The following MAF variants were observed in gnomAD, a reference collection of about 807,000 sequenced individuals.
The protein encoded by MAF is transcription factor Maf.
A neutral mutation model predicts 22.0 loss-of-function variants in MAF; 10 were observed. That is an observed-to-expected ratio of 0.45 (90% confidence interval 0.28 to 0.77). The LOEUF is 0.77. MAF is among the 30% of genes least tolerant of loss of function. The pLI, the probability that MAF is intolerant of heterozygous loss-of-function variation, is 0.12. For synonymous variants in MAF, 337 were observed against 255.8 expected, an observed-to-expected ratio of 1.32 and a Z score of -3.03; for missense variants, 544 against 548.4, an observed-to-expected ratio of 0.99 and a Z score of 0.08.
the MAF span, among the ~76,000 whole-genome samples, chr16:79,339,640 T>C: frequency 4.6e-5 from 7 of 152,212 alleles, no homozygotes; most frequent in Non-Finnish European, 7.3e-5. Context: ...ATCAGTCATA[T>C]AGTGTGTAAA....
chr16:79,530,140 G>A, the MAF span, among the ~76,000 whole-genome samples: 146 of 152,218 alleles, frequency 9.6e-4, no homozygotes, highest in Admixed American at 1.6e-3. Context: ...TTTTTGGAGT[G>A]TACAACCTTG....
the MAF span, among the ~76,000 whole-genome samples, chr16:79,344,794 T>C: frequency 2.0e-5 from 3 of 152,214 alleles, no homozygotes; most frequent in Non-Finnish European, 4.4e-5. Flanking sequence ...AACACATGCT[T>C]CCAATATTCT....
chr16:79,227,928 G>A, the MAF span, among the ~76,000 whole-genome samples: 9 of 152,136 alleles, frequency 5.9e-5, no homozygotes, highest in East Asian at 3.9e-4. Flanking sequence ...CTTTGAGACA[G>A]GGTCTTTCTC....
chr16:79,421,220 A>G, the MAF span, among the ~76,000 whole-genome samples: 30 of 152,364 alleles, frequency 2.0e-4, no homozygotes, highest in African/African-American at 7.0e-4. Flanking sequence ...AGTTTCAGGC[A>G]TCCACTGCAG....
chr16:79,553,982 G>A, the MAF span, among the ~76,000 whole-genome samples: 254 of 152,154 alleles, frequency 1.7e-3, 1 homozygote, highest in Non-Finnish European at 2.6e-3. Flanking sequence ...CCAGCTACTC[G>A]GGAGGCTGAG....
At chr16:79,551,279 G>C in the MAF span, among the ~76,000 whole-genome samples, 1 of 152,070 alleles carries the variant, frequency 6.6e-6, no homozygotes, top group African/African-American at 2.4e-5. Context: ...CCATCAGAAA[G>C]CCAAGCAGGA....
the MAF span, among the ~76,000 whole-genome samples, chr16:79,328,730 T>C: frequency 2.0e-5 from 3 of 152,196 alleles, no homozygotes; most frequent in African/African-American, 4.8e-5. Flanking sequence ...GGGAGGGTTC[T>C]GGAAGTAACA....
At chr16:79,317,000 T>C in the MAF span, among the ~76,000 whole-genome samples, 405 of 152,278 alleles carry the variant, frequency 2.7e-3, 3 homozygotes, top group African/African-American at 9.1e-3. Context: ...CTTAGAGAAA[T>C]GAAAATGCAT....
At chr16:79,260,500 T>TATCTATATC in the MAF span, among the ~76,000 whole-genome samples, 1 of 149,532 alleles carries the variant, frequency 6.7e-6, no homozygotes, top group Non-Finnish European at 1.5e-5. Flanking sequence ...TCTATATCTA[T>TATCTATATC]ATCTATATAT....
At chr16:79,556,320 C>G in the MAF span, among the ~76,000 whole-genome samples, 1 of 152,154 alleles carries the variant, frequency 6.6e-6, no homozygotes, top group African/African-American at 2.4e-5. Flanking sequence ...CAGTAGATTC[C>G]TACCCAGCTT....
At chr16:79,333,986 G>C in the MAF span, among the ~76,000 whole-genome samples, 1 of 152,210 alleles carries the variant, frequency 6.6e-6, no homozygotes, top group South Asian at 2.1e-4. Flanking sequence ...AGCTTTCTTA[G>C]GAGCATGCTT....
chr16:79,360,126 A>G, the MAF span, among the ~76,000 whole-genome samples: 1 of 152,154 alleles, frequency 6.6e-6, no homozygotes. Context: ...TGAGAGAGCT[A>G]TCATGTCTCA....
the MAF span, among the ~76,000 whole-genome samples, chr16:79,339,163 G>C: frequency 6.6e-6 from 1 of 152,136 alleles, no homozygotes; most frequent in African/African-American, 2.4e-5. Context: ...TCCGCCTCCC[G>C]GGTTCACGCC....
chr16:79,372,256 G>A, the MAF span, among the ~76,000 whole-genome samples: 1 of 151,948 alleles, frequency 6.6e-6, no homozygotes, highest in Non-Finnish European at 1.5e-5. Context: ...GGTGAGGATG[G>A]GGGAACTTGC....
At chr16:79,211,524 G>GA in the MAF span, 4 of 1,581,588 alleles carry the variant, frequency 2.5e-6, no homozygotes, top group Non-Finnish European at 3.5e-6. Flanking sequence ...GGGGAGGCCT[G>GA]CTAATGCCCA....
chr16:79,455,036 C>T, the MAF span, among the ~76,000 whole-genome samples: 1 of 151,650 alleles, frequency 6.6e-6, no homozygotes, highest in South Asian at 2.1e-4. Flanking sequence ...GTGGAGGTTG[C>T]TGTGAGCCGA....
At chr16:79,403,168 G>C in the MAF span, among the ~76,000 whole-genome samples, 2 of 152,180 alleles carry the variant, frequency 1.3e-5, no homozygotes, top group African/African-American at 2.4e-5. Context: ...GCACCTTCTG[G>C]CATGTCGTTC....
chr16:79,386,224 G>C, the MAF span, among the ~76,000 whole-genome samples: 1 of 152,028 alleles, frequency 6.6e-6, no homozygotes, highest in Non-Finnish European at 1.5e-5. Flanking sequence ...TATTATACTG[G>C]AATATATAAT....
the MAF span, among the ~76,000 whole-genome samples, chr16:79,481,561 C>T: frequency 6.6e-6 from 1 of 152,004 alleles, no homozygotes; most frequent in East Asian, 1.9e-4. Context: ...CCTTTTAATC[C>T]ATTCATCTAC....
Sources: gnomAD v4.1 joint callset for allele counts (sites outside exome capture counted in the v4.1 genomes callset) on GRCh38, gnomAD v4.1.1 for gene constraint, MANE v1.5 for transcripts, NCBI Gene and HGNC (gene_info 2026-07-23, HGNC 2026-07-21) for gene names.